Variants in SYNE2 observed in about 807,000 individuals in gnomAD.
SYNE2 encodes the protein nesprin-2.
SYNE2 carries 431 observed loss-of-function variants against 856.3 expected under a neutral mutation model. The observed-to-expected ratio is 0.50, with a 90% CI of 0.47 to 0.55. The LOEUF (loss-of-function observed/expected upper bound fraction) is 0.55. Ranked by LOEUF, SYNE2 falls within the 20% of genes least tolerant of loss-of-function variation. The pLI is 0.00. For synonymous variants in SYNE2, 2,923 were observed against 2,872.3 expected (o/e 1.02, Z -0.56); for missense variants, 8,129 against 8,023.2 (o/e 1.01, Z -0.50).
At chr14:63,842,940 T>C (rs1890117264) in intron 1 of SYNE2, among the ~76,000 whole-genome samples, 2 of 152,186 alleles carry the variant, frequency 1.3e-5, no homozygotes, top group South Asian at 2.1e-4. Flanking sequence ...TTTTACCTTT[T>C]TTGTTGCTTT....
intron 1 of SYNE2, among the ~76,000 whole-genome samples, chr14:63,812,869 G>A (rs1232055012): frequency 1.3e-5 from 2 of 152,064 alleles, no homozygotes; most frequent in African/African-American, 2.4e-5. Flanking sequence ...TGCACATTCT[G>A]CACATGTATC....
chr14:64,128,955 C>T (rs10047815), intron 74 of SYNE2, among the ~76,000 whole-genome samples: 24,444 of 152,138 alleles, frequency 0.16, 2,510 homozygotes, highest in African/African-American at 0.3. Flanking sequence ...CACTATGTTC[C>T]AGCACTGTTT....
chr14:63,877,525 T>G (rs1208063379), intron 1 of SYNE2, among the ~76,000 whole-genome samples: 1 of 152,190 alleles, frequency 6.6e-6, no homozygotes, highest in African/African-American at 2.4e-5. Flanking sequence ...AGAAAACCAC[T>G]GGAGTGGAAA....
At chr14:64,100,528 AAAAAT>A (rs1198686688) in intron 63 of SYNE2, among the ~76,000 whole-genome samples, 13 of 74,412 alleles carry the variant, frequency 1.7e-4, no homozygotes, top group East Asian at 1.1e-3. Flanking sequence ...AAAAAAAAAA[AAAAAT>A]ATATATATAT....
At chr14:64,218,686 C>T (rs2098678355) in intron 109 of SYNE2, among the ~76,000 whole-genome samples, 174 bp downstream of exon 109, 1 of 152,194 alleles carries the variant, frequency 6.6e-6, no homozygotes, top group African/African-American at 2.4e-5. Flanking sequence ...CGAACAAATT[C>T]CTAGGCTGTT....
At chr14:63,972,210 C>A (rs1385098442) in intron 11 of SYNE2, among the ~76,000 whole-genome samples, 1 of 152,146 alleles carries the variant, frequency 6.6e-6, no homozygotes, top group African/African-American at 2.4e-5. Context: ...AGGATAAGAC[C>A]TGTCCGTGAC....
Position 64,053,242 on chromosome 14 carries a change from C to T in SYNE2, c.9329C>T (p.Thr3110Ile), listed in dbSNP as rs2097240870. ...EIIKKLNENK[T>I]FDDSFKEKEI... ...ATAAAGAAATTAAATGAAAATAAGA[C>T]CTTTGATGACTCATTCAAGGAGAAA... Residue 3110 changes from threonine (T) to isoleucine (I), a missense_variant, in exon 48 of 116, where the codon ACC (threonine) becomes ATC (isoleucine). Thr to Ile is a moderately conservative substitution (Grantham distance 89). Transcript: ENST00000555002. The T allele has an allele frequency of 6.2e-7, 1 of 1,611,234 alleles. No homozygotes were observed. Among genetic ancestry groups the T allele is most frequent in the Non-Finnish European group, 8.5e-7 (1 of 1,179,242 alleles).
chr14:63,977,838 T>C lies in SYNE2; in HGVS notation c.1294-67T>C, dbSNP rs17101503. On this transcript the variant is annotated intron_variant, in intron 12 of 115. Coordinates refer to ENST00000555002, the MANE Select transcript of SYNE2 (RefSeq NM_182914.3). ...GAAAAAAGATGTAATGCAAGTGAGA[T>C]TGACAAACCCTTAATTACAGTGTTT... The C allele has an allele frequency of 4.5e-3, 5,018 of 1,124,156 alleles. 149 individuals are homozygous for C. The African/African-American group carries it at 0.067, about 15-fold the overall frequency. 69.6% of individuals were successfully genotyped at this position (1,124,156 alleles called of 1,614,324 possible). A position where few individuals can be genotyped will look rare whatever the true frequency, so the allele number is the denominator to read the frequency against.
At chr14:63,976,435 A>G (rs1461567563) in intron 11 of SYNE2, 128 bp from the exon 12 acceptor site, 9 of 944,346 alleles carry the variant, frequency 9.5e-6, no homozygotes, top group South Asian at 1.6e-5. Flanking sequence ...GATTTCCATG[A>G]TAATTGATCA....
rs10148304 is a variant in SYNE2 at position 64,122,239 on chromosome 14, A to C, written c.13281-47A>C. 7.2e-3 allele frequency: 11,567 copies of C among 1,614,096 alleles called. 386 individuals carry two copies. In the African/African-American group the frequency reaches 0.098, roughly 14 times the overall value. Reference sequence around the variant, plus strand: ...CATAGAACTGTGAATGTAATACAAAATGTTTAGTGTTGATTATTCTCTTCA... The same window carrying C: ...CATAGAACTGTGAATGTAATACAAACTGTTTAGTGTTGATTATTCTCTTCA... On this transcript the variant is annotated intron_variant, in intron 69 of 115. Transcript: ENST00000555002.
chr14:64,041,306 C>A (rs1325591620), intron 45 of SYNE2, among the ~76,000 whole-genome samples: 2 of 151,958 alleles, frequency 1.3e-5, no homozygotes, highest in Non-Finnish European at 2.9e-5. Context: ...AACCACAAGC[C>A]TAAACAGGAA....
intron 45 of SYNE2, among the ~76,000 whole-genome samples, chr14:64,044,723 T>G (rs2097173353): frequency 6.6e-6 from 1 of 152,168 alleles, no homozygotes; most frequent in Non-Finnish European, 1.5e-5. Context: ...GAGATCTGAT[T>G]GTTTTAAGAA....
chr14:64,223,113 C>T, intron 112 of SYNE2, 76 bp from the exon 113 acceptor site: 2 of 1,534,148 alleles, frequency 1.3e-6, no homozygotes, highest in Non-Finnish European at 9.0e-7. Flanking sequence ...TTTTCTGGTA[C>T]TGAGAAAAAC....
intron 51 of SYNE2, among the ~76,000 whole-genome samples, chr14:64,066,107 A>C (rs953077543): frequency 6.6e-6 from 1 of 152,258 alleles, no homozygotes; most frequent in East Asian, 1.9e-4. Context: ...TTTTGAAAAT[A>C]GTCTCAAAAC....
chr14:64,119,740 T>A, intron 67 of SYNE2, 131 bp downstream of exon 67: 1 of 875,884 alleles, frequency 1.1e-6, no homozygotes, highest in Non-Finnish European at 1.8e-6. Context: ...ATTTCACACA[T>A]TAACACCATA....
At chr14:63,805,278 T>G (rs11158509) in intron 1 of SYNE2, among the ~76,000 whole-genome samples, 80,355 of 152,078 alleles carry the variant, frequency 0.53, 22,098 homozygotes, top group South Asian at 0.65. Flanking sequence ...TTGATAGCAA[T>G]AGCATTGAAT....
intron 1 of SYNE2, among the ~76,000 whole-genome samples, chr14:63,803,446 G>A (rs961345631): frequency 4.6e-5 from 7 of 152,326 alleles, no homozygotes; most frequent in South Asian, 4.1e-4. Context: ...GAAATCGAGC[G>A]CAGTGCCGGT....
At chr14:64,056,381 T>C (rs974293788) in intron 49 of SYNE2, 115 bp downstream of exon 49, 4 of 898,952 alleles carry the variant, frequency 4.4e-6, no homozygotes, top group Admixed American at 2.9e-5. Flanking sequence ...TCTCTGTCAT[T>C]AACACCTATG....
chr14:64,111,648 AT>A (rs1355950489), intron 65 of SYNE2, among the ~76,000 whole-genome samples: 1 of 152,026 alleles, frequency 6.6e-6, no homozygotes, highest in African/African-American at 2.4e-5. Flanking sequence ...AAAATACAAA[AT>A]TAGCCAGGTA....
Sources: gnomAD v4.1 joint callset for allele counts (sites outside exome capture counted in the v4.1 genomes callset) on GRCh38, gnomAD v4.1.1 for gene constraint, MANE v1.5 for transcripts, NCBI Gene and HGNC (gene_info 2026-07-23, HGNC 2026-07-21) for gene names.